The following EFCAB7 variants were observed in gnomAD, a reference collection of about 807,000 sequenced individuals.
The protein encoded by EFCAB7 is EF-hand calcium binding domain 7.
A neutral mutation model predicts 77.1 loss-of-function variants in EFCAB7; 66 were observed. That is an observed-to-expected ratio of 0.86 (90% CI 0.70 to 1.05). EFCAB7 has a LOEUF of 1.05. Among genes scored for constraint, EFCAB7 ranks in the 50% least tolerant of loss-of-function variants. The probability of loss-of-function intolerance (pLI) is 0.00; values close to 1 mark genes in which losing one functional copy is unlikely to be tolerated. For synonymous variants in EFCAB7, 225 were observed against 243.3 expected, an observed-to-expected ratio of 0.92 and a Z score of 0.70; for missense variants, 638 against 730.5, an observed-to-expected ratio of 0.87 and a Z score of 1.46.
intron 13 of EFCAB7, 40 bp from the exon 14 acceptor site, chr1:63,572,402 A>G (rs1647288094): frequency 6.5e-7 from 1 of 1,531,266 alleles, no homozygotes; most frequent in African/African-American, 1.4e-5. Context: ...AAGTAACAAT[A>G]TATAAAAAGA....
At chr1:63,578,290 A>G in the EFCAB7 span, among the ~76,000 whole-genome samples, 2 of 152,360 alleles carry the variant, frequency 1.3e-5, no homozygotes, top group South Asian at 4.1e-4. Flanking sequence ...TAGATCAATC[A>G]TATATAAATT....
intron 6 of EFCAB7, among the ~76,000 whole-genome samples, chr1:63,537,458 T>C (rs183492746): frequency 6.6e-6 from 1 of 152,318 alleles, no homozygotes; most frequent in African/African-American, 2.4e-5. Context: ...CTACATTGTA[T>C]ACCATTTATA....
chr1:63,553,136 T>C (rs113361034), intron 8 of EFCAB7, among the ~76,000 whole-genome samples: 1 of 152,220 alleles, frequency 6.6e-6, no homozygotes, highest in African/African-American at 2.4e-5. Context: ...TATTTTCTTA[T>C]AGATGAGTTT....
intron 6 of EFCAB7, among the ~76,000 whole-genome samples, chr1:63,543,682 A>C (rs1646856968): frequency 6.6e-6 from 1 of 152,208 alleles, no homozygotes. Context: ...CTTTGCAGTG[A>C]TATAATAAAT....
chr1:63,525,609 A>G lies in EFCAB7; in HGVS notation c.37A>G (p.Ser13Gly). Residue 13 changes from serine to glycine, a missense_variant, in exon 2 of 14, where the codon AGT (serine) becomes GGT (glycine). Transcript: ENST00000371088. ...TCCACGAAGCGATGCAACTTTCTCC[A>G]GTCAGAAATCAACACCTTCAGAGAG... ...ISPRSDATFS[S>G]QKSTPSESPR... is the part of the protein sequence containing the mutation. The G allele has an allele frequency of 3.8e-6, 6 of 1,575,614 alleles. No individual in the cohort carries two copies. The highest frequency in any genetic ancestry group is 5.1e-6 in the Non-Finnish European group (6 of 1,170,806).
At chr1:63,532,130 T>G in intron 3 of EFCAB7, 99 bp downstream of exon 3, 1 of 852,386 alleles carries the variant, frequency 1.2e-6, no homozygotes, top group South Asian at 1.6e-5. Context: ...AAGTATTTCA[T>G]TGAGAGGTTA....
chr1:63,569,505 AGGGAACTGTGATAT>A lies in EFCAB7; in HGVS notation c.1707+991_1707+1004del, dbSNP rs573671552. On this transcript the variant is annotated intron_variant, in intron 12 of 13. Coordinates refer to ENST00000371088, the MANE Select transcript of EFCAB7 (RefSeq NM_032437.4). Reference sequence around the variant, plus strand: ...GGGGAAGGATTTGTTACGAGGGGCAAGGGAACTGTGATATGGGATTTGAGCACTGAAGGATGACT... The same window carrying A: ...GGGGAAGGATTTGTTACGAGGGGCAAGGGATTTGAGCACTGAAGGATGACT... 5.5e-3 allele frequency: 842 copies of A among 152,294 alleles called. 2 individuals carry two copies. Among genetic ancestry groups the A allele is most frequent in the Non-Finnish European group, 9.4e-3 (638 of 68,036 alleles). 9.4% of individuals were successfully genotyped at this position (152,294 alleles called of 1,614,324 possible). A position where few individuals can be genotyped will look rare whatever the true frequency, so the allele number is the denominator to read the frequency against.
chr1:63,543,484 C>T (rs1481243666), intron 6 of EFCAB7, among the ~76,000 whole-genome samples: 1 of 152,064 alleles, frequency 6.6e-6, no homozygotes, highest in East Asian at 1.9e-4. Flanking sequence ...TAGGTTTCTA[C>T]ATAAGGTCAG....
chr1:63,524,079 C>T (rs895530684), intron 1 of EFCAB7, among the ~76,000 whole-genome samples: 1 of 152,046 alleles, frequency 6.6e-6, no homozygotes, highest in African/African-American at 2.4e-5. Context: ...TTTGGTTTCT[C>T]GTCACAGAAA....
chr1:63,560,495 T>A (rs1647084069), intron 10 of EFCAB7, among the ~76,000 whole-genome samples: 1 of 149,474 alleles, frequency 6.7e-6, no homozygotes, highest in Non-Finnish European at 1.5e-5. Context: ...AAGTTATGAA[T>A]AACTTTAAAC....
intron 6 of EFCAB7, among the ~76,000 whole-genome samples, chr1:63,537,201 G>A (rs549759683): frequency 1.3e-5 from 2 of 152,218 alleles, no homozygotes; most frequent in East Asian, 1.9e-4. Flanking sequence ...TGATGGTCAA[G>A]GAATGTCAGG....
At chr1:63,527,797 T>G (rs948109342) in intron 2 of EFCAB7, 1 of 152,190 alleles carries the variant, frequency 6.6e-6, no homozygotes, top group Admixed American at 6.5e-5. Flanking sequence ...ACCAGTACAT[T>G]TTTTAAAACA....
At position 63,534,180 on chromosome 1, in the gene EFCAB7, C is replaced by A; in HGVS notation, c.768C>A (p.Asn256Lys). 2 of 1,612,630 alleles carry A rather than the reference C, an allele frequency of 1.2e-6. No homozygotes were observed. Among genetic ancestry groups the A allele is most frequent in the Non-Finnish European group, 1.7e-6 (2 of 1,179,202 alleles). ...SFTVTMGANG[N>K]RNSKLMEPNL... ...CAGTTACCATGGGGGCTAATGGTAA[C>A]CGAAACTCAAAGTTAATGGAGCCAA... The change falls in exon 6 of 14, where the codon AAC becomes AAA. Residue 256 changes from asparagine to lysine, a missense_variant. Asn to Lys is a moderately conservative substitution (Grantham distance 94). Transcript: ENST00000371088.
intron 1 of EFCAB7, among the ~76,000 whole-genome samples, chr1:63,524,607 T>C (rs1315154035): frequency 6.6e-6 from 1 of 152,232 alleles, no homozygotes; most frequent in Non-Finnish European, 1.5e-5. Context: ...GTTGGAGATC[T>C]ATTTTTAGAA....
intron 11 of EFCAB7, among the ~76,000 whole-genome samples, chr1:63,562,366 C>T (rs1224760065): frequency 2.8e-5 from 4 of 143,796 alleles, no homozygotes; most frequent in Non-Finnish European, 6.0e-5. Flanking sequence ...TTATCATTAA[C>T]ATGATAGGTA....
At chr1:63,580,269 A>T in the EFCAB7 span, among the ~76,000 whole-genome samples, 3 of 151,844 alleles carry the variant, frequency 2.0e-5, no homozygotes, top group African/African-American at 7.3e-5. Context: ...GTTGAGGTCC[A>T]TTTTTTTTCA....
chr1:63,556,277 T>C (rs1027542834), intron 9 of EFCAB7, among the ~76,000 whole-genome samples: 1 of 152,184 alleles, frequency 6.6e-6, no homozygotes, highest in African/African-American at 2.4e-5. Flanking sequence ...AAAAAGATGA[T>C]AAATATATGA....
intron 6 of EFCAB7, among the ~76,000 whole-genome samples, chr1:63,538,894 C>T (rs1441198529): frequency 3.3e-5 from 5 of 152,148 alleles, no homozygotes; most frequent in African/African-American, 1.2e-4. Context: ...GTATATTACA[C>T]TGAAGTTTGG....
chr1:63,537,975 G>A (rs961223204), intron 6 of EFCAB7, among the ~76,000 whole-genome samples: 1 of 152,042 alleles, frequency 6.6e-6, no homozygotes, highest in Non-Finnish European at 1.5e-5. Flanking sequence ...CTATACTGAT[G>A]TATTTGTTTT....
Sources: allele counts gnomAD v4.1 joint callset (sites outside exome capture counted in the v4.1 genomes callset), GRCh38; gene constraint gnomAD v4.1.1; transcripts MANE v1.5; gene names NCBI Gene and HGNC (gene_info 2026-07-23, HGNC 2026-07-21).